XRN2: variants seen among roughly 807,000 people sequenced by gnomAD.
XRN2 encodes the protein DHM1-like protein.
XRN2 carries 44 observed loss-of-function variants against 138.5 expected under a neutral mutation model. That is an observed-to-expected ratio of 0.32 (90% confidence interval 0.25 to 0.41). The LOEUF is 0.41. XRN2 is among the 10% of genes least tolerant of loss of function. The pLI is 1.00. For missense variants in XRN2, 937 were observed against 1,169.3 expected (o/e 0.80, Z 2.90); for synonymous variants, 354 against 369.4 (o/e 0.96, Z 0.48).
intron 1 of XRN2, among the ~76,000 whole-genome samples, chr20:21,304,325 C>G (rs937383148): frequency 6.7e-6 from 1 of 150,210 alleles, no homozygotes; most frequent in Non-Finnish European, 1.5e-5. Context: ...CAGTGCTTGC[C>G]TGTCACTGTG....
intron 28 of XRN2, among the ~76,000 whole-genome samples, chr20:21,382,599 C>T (rs1196625202): frequency 6.6e-6 from 1 of 152,186 alleles, no homozygotes; most frequent in Non-Finnish European, 1.5e-5. Context: ...TCTTTAACTA[C>T]TTAAGACTGA....
intron 23 of XRN2, 25 bp from the exon 24 acceptor site, chr20:21,357,711 T>C (rs1413439856): frequency 1.9e-6 from 3 of 1,560,034 alleles, no homozygotes; most frequent in African/African-American, 2.7e-5. Flanking sequence ...TACAGAGAGA[T>C]GTTTCTTCTC....
chr20:21,316,954 A>AT (rs1367284553), intron 1 of XRN2, among the ~76,000 whole-genome samples: 1 of 152,080 alleles, frequency 6.6e-6, no homozygotes, highest in African/African-American at 2.4e-5. Context: ...TTATATATTG[A>AT]TTTTGTATCC....
intron 1 of XRN2, among the ~76,000 whole-genome samples, chr20:21,305,197 A>G (rs1374861455): frequency 2.0e-5 from 3 of 152,050 alleles, no homozygotes; most frequent in Admixed American, 2.0e-4. Flanking sequence ...TTTTATTATT[A>G]TTATTGCTAT....
chr20:21,323,344 G>A (rs1224058882), intron 1 of XRN2, among the ~76,000 whole-genome samples: 1 of 152,214 alleles, frequency 6.6e-6, no homozygotes, highest in East Asian at 1.9e-4. Context: ...AGAAAGGGAA[G>A]ACTGCAGTGT....
chr20:21,381,386 A>C (rs1358236879), intron 27 of XRN2, among the ~76,000 whole-genome samples: 4 of 152,218 alleles, frequency 2.6e-5, no homozygotes, highest in Non-Finnish European at 5.9e-5. Flanking sequence ...AGCAGGAGCC[A>C]TTTAATTGTT....
At chr20:21,354,994 A>AT in intron 21 of XRN2, 122 bp downstream of exon 21, 1 of 709,214 alleles carries the variant, frequency 1.4e-6, no homozygotes, top group Admixed American at 3.5e-5. Context: ...TAAATCATTG[A>AT]TTTTATTTTC....
intron 3 of XRN2, among the ~76,000 whole-genome samples, chr20:21,327,227 C>G (rs902375623): frequency 6.6e-6 from 1 of 152,068 alleles, no homozygotes; most frequent in Middle Eastern, 3.2e-3. Flanking sequence ...GGACTGTATC[C>G]TATAGGCAAT....
intron 27 of XRN2, among the ~76,000 whole-genome samples, chr20:21,372,704 G>A (rs1030687597): frequency 7.9e-5 from 12 of 151,886 alleles, no homozygotes; most frequent in African/African-American, 2.9e-4. Context: ...GTGCTAAATC[G>A]AACCGTACAG....
intron 21 of XRN2, 67 bp from the exon 22 acceptor site, chr20:21,356,013 T>C: frequency 9.2e-7 from 1 of 1,092,498 alleles, no homozygotes; most frequent in Non-Finnish European, 1.3e-6. Flanking sequence ...TGTTTTATGC[T>C]CATAAAAATT....
At chr20:21,369,232 AGGT>A in intron 27 of XRN2, among the ~76,000 whole-genome samples, 1 of 152,344 alleles carries the variant, frequency 6.6e-6, no homozygotes, top group Admixed American at 6.5e-5. Flanking sequence ...ACATTGTTAC[AGGT>A]GACAAGATCT....
chr20:21,330,740 G>A (rs748846580), intron 6 of XRN2, 35 bp downstream of exon 6: 12 of 1,571,864 alleles, frequency 7.6e-6, no homozygotes, highest in Non-Finnish European at 9.6e-6. Context: ...AGAAAGATTA[G>A]GGTGATCATT....
intron 26 of XRN2, among the ~76,000 whole-genome samples, chr20:21,367,939 C>G (rs1447436771): frequency 6.6e-6 from 1 of 151,828 alleles, no homozygotes; most frequent in Non-Finnish European, 1.5e-5. Context: ...ATTATATGCC[C>G]AAATATTTAT....
intron 1 of XRN2, among the ~76,000 whole-genome samples, chr20:21,323,216 G>A (rs183713285): frequency 2.4e-4 from 36 of 152,260 alleles, no homozygotes; most frequent in African/African-American, 8.7e-4. Context: ...TAGGGCTATT[G>A]GTTGCCCATA....
At chr20:21,315,939 G>A (rs545679277) in intron 1 of XRN2, among the ~76,000 whole-genome samples, 43 of 152,306 alleles carry the variant, frequency 2.8e-4, no homozygotes, top group African/African-American at 9.9e-4. Context: ...TTTCTTGATG[G>A]TGTCCTTTGA....
intron 1 of XRN2, among the ~76,000 whole-genome samples, chr20:21,324,497 C>CT (rs11482123): frequency 0.63 from 90,860 of 145,284 alleles, 28,591 homozygotes; most frequent in South Asian, 0.78. Context: ...TGTATATGTT[C>CT]TTTTTTTTTT....
intron 16 of XRN2, among the ~76,000 whole-genome samples, chr20:21,345,177 G>A (rs1183918358): frequency 6.6e-6 from 1 of 152,042 alleles, no homozygotes; most frequent in Non-Finnish European, 1.5e-5. Context: ...CATGTCTTTG[G>A]TTTTGTTTAC....
intron 16 of XRN2, 48 bp downstream of exon 16, chr20:21,344,256 A>G (rs917218572): frequency 1.9e-5 from 27 of 1,384,908 alleles, no homozygotes; most frequent in Non-Finnish European, 2.7e-5. Context: ...GCTGAAATAG[A>G]TGCAGTCTAA....
chr20:21,385,503 A>G (rs1161481343), intron 28 of XRN2, among the ~76,000 whole-genome samples: 1 of 152,232 alleles, frequency 6.6e-6, no homozygotes, highest in Non-Finnish European at 1.5e-5. Context: ...TGAGATAAAA[A>G]CTTATTTTTA....
Sources: allele counts gnomAD v4.1 joint callset (sites outside exome capture counted in the v4.1 genomes callset), GRCh38; gene constraint gnomAD v4.1.1; transcripts MANE v1.5; gene names NCBI Gene and HGNC (gene_info 2026-07-23, HGNC 2026-07-21).